MED14: variants seen among roughly 807,000 people sequenced by gnomAD.
MED14 encodes mediator complex subunit 14.
Under a neutral mutation model 109.0 loss-of-function variants are expected in MED14, and 8 were observed. That is an observed-to-expected ratio of 0.07 (90% CI 0.04 to 0.13). MED14 has a LOEUF of 0.13. Ranked by LOEUF, MED14 falls within the 10% of genes least tolerant of loss-of-function variation. MED14 has a pLI of 1.00. For missense variants in MED14, 711 were observed against 1,142.4 expected, an observed-to-expected ratio of 0.62 and a Z score of 5.44; for synonymous variants, 399 against 408.7, an observed-to-expected ratio of 0.98 and a Z score of 0.29.
intron 9 of MED14, among the ~76,000 whole-genome samples, chrX:40,709,762 A>C (rs1447093051): frequency 8.9e-6 from 1 of 111,894 alleles, no homozygotes; most frequent in Non-Finnish European, 1.9e-5. Context: ...ATCTGATCTA[A>C]ATTATAAAAT....
At chrX:40,661,309 T>C (rs759439229) in intron 26 of MED14, among the ~76,000 whole-genome samples, 12 of 108,720 alleles carry the variant, frequency 1.1e-4, no homozygotes, top group Non-Finnish European at 2.3e-4. Flanking sequence ...CTCGAACTCC[T>C]GGGCTCAAGT....
rs190762101 is a variant in MED14, at chrX:40,661,924, C to T, written c.3684+1001G>A. 7.2e-5 allele frequency among the ~76,000 whole-genome samples: 8 copies of T among 111,349 alleles called. No individual in the cohort carries two copies. In the East Asian group the frequency reaches 2.0e-3, roughly 27 times the overall value. On this transcript the variant is annotated intron_variant, in intron 26 of 30. Transcript: ENST00000324817. Reference sequence around the variant, plus strand: ...TGTTGCCCAGGCTGGAGTGCAGTGGCGCGATCTTGGCTCACTGCAACCTCT... The same window carrying T: ...TGTTGCCCAGGCTGGAGTGCAGTGGTGCGATCTTGGCTCACTGCAACCTCT...
At chrX:40,731,685 G>T (rs1932085042) in intron 1 of MED14, among the ~76,000 whole-genome samples, 1 of 112,020 alleles carries the variant, frequency 8.9e-6, no homozygotes, top group African/African-American at 3.2e-5. Context: ...GTGTACTTGT[G>T]ATATCCATCA....
At chrX:40,726,962 CACT>C in intron 2 of MED14, 111 bp from the exon 3 acceptor site, 1 of 638,500 alleles carries the variant, frequency 1.6e-6, no homozygotes, top group Non-Finnish European at 2.4e-6. Context: ...TGCTTACAAC[CACT>C]ACAAAATGAG....
At position 40,704,952 on chromosome X, in the gene MED14, C is replaced by CA. The variant is rs748275137; in HGVS notation, c.1286-1384dup. ...GTACAAATGCAAATATTCCAAAACCCAAAAAAAATCCGAGATCTGAAATAC... is the reference window on the plus strand; with the variant it reads ...GTACAAATGCAAATATTCCAAAACCCAAAAAAAAATCCGAGATCTGAAATAC... On this transcript the variant is annotated intron_variant, in intron 10 of 30. Transcript: ENST00000324817. Among the ~76,000 whole-genome samples, 134 of 109,830 alleles carry CA rather than the reference C, an allele frequency of 1.2e-3. 1 individual carries two copies. Among genetic ancestry groups the CA allele is most frequent in the Non-Finnish European group, 2.9e-4 (15 of 52,550 alleles).
At chrX:40,681,977 T>C in intron 18 of MED14, 34 bp from the exon 19 acceptor site, 3 of 716,663 alleles carry the variant, frequency 4.2e-6, no homozygotes, top group Non-Finnish European at 6.0e-6. Context: ...AGATTAATAT[T>C]ATACATGTAA....
At chrX:40,706,937 T>C (rs1032434365) in intron 10 of MED14, among the ~76,000 whole-genome samples, 4 of 111,704 alleles carry the variant, frequency 3.6e-5, no homozygotes, top group Admixed American at 9.5e-5. Flanking sequence ...ATTAGAAAAA[T>C]TAAGATTGCA....
chrX:40,735,905 AC>A (rs1932255747), upstream of MED14: 7 of 266,777 alleles, frequency 2.6e-5, no homozygotes, highest in South Asian at 2.4e-4. Context: ...GCCGCCGGAA[AC>A]CAGGGTGAGG....
chrX:40,729,350 G>C lies in MED14; in HGVS notation c.216-5C>G. 1 of 1,150,972 alleles carries C rather than the reference G, an allele frequency of 8.7e-7. No individual in the cohort carries two copies. 94.9% of individuals were successfully genotyped at this position (1,150,972 alleles called of 1,213,427 possible). On this transcript the variant is annotated splice_region_variant and splice_polypyrimidine_tract_variant and intron_variant, in intron 1 of 30. Transcript: ENST00000324817. The stretch of plus-strand genomic sequence containing the variant: ...ACATCAGATTTCCTTGGCAGTCTAA[G>C]AAGAAAAAAAAAAAACGGATTAGAT...
Position 40,660,813 on chromosome X carries a change from T to C in MED14, c.3685-1206A>G, listed in dbSNP as rs917809981. On this transcript the variant is annotated intron_variant, in intron 26 of 30. Coordinates refer to ENST00000324817, the MANE Select transcript of MED14 (RefSeq NM_004229.4). ...TATTATTTTTCTTTCTTTTGAATGC[T>C]AATTTATTCAAAAACGTTTCCCCAC... 6.2e-5 allele frequency among the ~76,000 whole-genome samples: 7 copies of C among 113,327 alleles called. No homozygotes were observed. In the Admixed American group the frequency reaches 6.5e-4, roughly 11 times the overall value.
intron 3 of MED14, among the ~76,000 whole-genome samples, chrX:40,718,632 G>A (rs1436685144): frequency 9.0e-6 from 1 of 111,528 alleles, no homozygotes; most frequent in Non-Finnish European, 1.9e-5. Flanking sequence ...CCAGGAGTTC[G>A]AAACCAGCCT....
In MED14 at chrX:40,650,830, A is replaced by C; in HGVS notation, c.*976T>G. The C allele has an allele frequency of 1.3e-6, 1 of 754,054 alleles. No homozygotes were observed. Among genetic ancestry groups the C allele is most frequent in the South Asian group, 6.7e-5 (1 of 14,864 alleles). The allele number at this position is 754,054 out of a possible 1,213,427, so 62.1% of individuals were successfully genotyped here. A position where few individuals can be genotyped will look rare whatever the true frequency, so the allele number is the denominator to read the frequency against. On this transcript the variant is annotated 3_prime_UTR_variant, in exon 31 of 31. Coordinates refer to ENST00000324817, the MANE Select transcript of MED14 (RefSeq NM_004229.4). Reference sequence around the variant, plus strand: ...AAGGAGGATAAGTTAAGCAAGATAAAGAAAGCTCACAGAAACTTCATGCAG... The same window carrying C: ...AAGGAGGATAAGTTAAGCAAGATAACGAAAGCTCACAGAAACTTCATGCAG...
At chrX:40,707,552 T>A (rs1931196811) in intron 10 of MED14, among the ~76,000 whole-genome samples, 2 of 111,855 alleles carry the variant, frequency 1.8e-5, no homozygotes, top group African/African-American at 6.5e-5. Flanking sequence ...CAATGATGAA[T>A]GGATAAACAA....
At chrX:40,682,068 T>C (rs1930136305) in intron 18 of MED14, 125 bp from the exon 19 acceptor site, 1 of 358,475 alleles carries the variant, frequency 2.8e-6, no homozygotes, top group Non-Finnish European at 4.9e-6. Context: ...AGTAATTTAG[T>C]TTTTTAAAAA....
chrX:40,653,284 A>G (rs1928939545), intron 30 of MED14, among the ~76,000 whole-genome samples: 1 of 111,928 alleles, frequency 8.9e-6, no homozygotes, highest in Non-Finnish European at 1.9e-5. Context: ...AGCTGAAAGA[A>G]GAGAGAAGTC....
intron 21 of MED14, among the ~76,000 whole-genome samples, chrX:40,678,560 G>A (rs1929995833): frequency 2.7e-5 from 3 of 111,151 alleles, no homozygotes; most frequent in African/African-American, 3.3e-5. Context: ...AGACAAATGT[G>A]TTTATGCACT....
In MED14 at chrX:40,714,547, G is replaced by A; in HGVS notation, c.512C>T (p.Thr171Ile). The A allele has an allele frequency of 8.3e-7, 1 of 1,210,561 alleles. No homozygotes were observed. The highest frequency in any genetic ancestry group is 1.1e-6 in the Non-Finnish European group (1 of 895,069). ...LTTGSYPRLP[T>I]CIRDKIIPPD... is the part of the protein sequence containing the mutation. Reference sequence around the variant, plus strand: ...AAGCAAAGAACTTACCCTAATGCAGGTTGGCAGCCGTGGGTAAGATCCAGT... The same window carrying A: ...AAGCAAAGAACTTACCCTAATGCAGATTGGCAGCCGTGGGTAAGATCCAGT... Residue 171 changes from threonine to isoleucine, a missense_variant, in exon 4 of 31, where the codon ACC becomes ATC. By Grantham distance (89) the Thr-to-Ile change is moderately conservative. This residue lies in a region of MED14 where 388 missense variants were observed against 517.3 expected (regional missense o/e 0.75). Transcript: ENST00000324817.
Position 40,709,360 on chromosome X carries a change from C to A in MED14, c.1273G>T (p.Ala425Ser). 9.3e-7 allele frequency: 1 copy of A among 1,070,065 alleles called. No homozygotes were observed. The highest frequency in any genetic ancestry group is 1.3e-6 in the Non-Finnish European group (1 of 797,993). The allele number at this position is 1,070,065 out of a possible 1,213,427, so 88.2% of individuals were successfully genotyped here. A position where few individuals can be genotyped will look rare whatever the true frequency, so the allele number is the denominator to read the frequency against. ...TAAAAGAACCTACAGTTTTCATTGGCATTGAAGCCTCTAAGAATGGCCTTC... is the reference window on the plus strand; with the variant it reads ...TAAAAGAACCTACAGTTTTCATTGGAATTGAAGCCTCTAAGAATGGCCTTC... ...ELKAILRGFN[A>S]NENSSIETAL... The change falls in exon 10 of 31, where the codon GCC (alanine) becomes TCC (serine). Residue 425 changes from alanine (A) to serine (S), a missense_variant. By Grantham distance (99) the Ala-to-Ser change is moderately conservative (BLOSUM62 1). Around this residue, in one of 8 missense-constraint regions of MED14, gnomAD observed 388 missense variants for 517.3 expected, o/e 0.75. Coordinates refer to ENST00000324817, the MANE Select transcript of MED14 (RefSeq NM_004229.4).
intron 28 of MED14, 32 bp downstream of exon 28, chrX:40,659,195 C>A: frequency 1.9e-6 from 2 of 1,048,832 alleles, no homozygotes; most frequent in Middle Eastern, 3.3e-4. Flanking sequence ...CTCAAACAAA[C>A]CTTGCTAGAA....
Sources: allele counts gnomAD v4.1 joint callset (sites outside exome capture counted in the v4.1 genomes callset), GRCh38; gene constraint gnomAD v4.1.1; regional missense constraint gnomAD v4.1.1; transcripts MANE v1.5; gene names NCBI Gene and HGNC (gene_info 2026-07-23, HGNC 2026-07-21).